The following VTI1A variants were observed in gnomAD, a reference collection of about 807,000 sequenced individuals.
VTI1A encodes the protein vesicle transport through interaction with t-SNAREs homolog 1A.
Under a neutral mutation model 34.9 loss-of-function variants are expected in VTI1A, and 22 were observed. The ratio of observed to expected loss-of-function variants is 0.63; its 90% CI spans 0.45 to 0.90. The LOEUF is 0.90. Among genes scored for constraint, VTI1A ranks in the 40% least tolerant of loss-of-function variants. The pLI, the probability that VTI1A is intolerant of heterozygous loss-of-function variation, is 0.00. For synonymous variants in VTI1A, 87 were observed against 97.3 expected (o/e 0.89, Z 0.62); for missense variants, 268 against 275.6 (o/e 0.97, Z 0.20).
chr10:112,497,882 G>T (rs1315142640), intron 3 of VTI1A, among the ~76,000 whole-genome samples: 1 of 152,144 alleles, frequency 6.6e-6, no homozygotes, highest in Non-Finnish European at 1.5e-5. Flanking sequence ...ACATAAACTA[G>T]TGCCAGTTTT....
rs748276058 is a variant in VTI1A, at chr10:112,618,524, T to TATAGAGAGAGAGAGAGAGAGAGAG, written c.428-49693_428-49692insTAGAGAGAGAGAGAGAGAGAGAGA. Among the ~76,000 whole-genome samples, 29 of 34,578 alleles carry TATAGAGAGAGAGAGAGAGAGAGAG rather than the reference T, an allele frequency of 8.4e-4. 1 individual carries two copies. The highest frequency in any genetic ancestry group is 2.1e-3 in the African/African-American group (13 of 6,146). 22.7% of individuals were successfully genotyped at this position (34,578 alleles called of 152,430 possible). A position where few individuals can be genotyped will look rare whatever the true frequency, so the allele number is the denominator to read the frequency against. ...ATATATATATATATATATATATATATAGAGAGAGAGAGAGAGAGAGAGAGT... is the reference window on the plus strand; with the variant it reads ...ATATATATATATATATATATATATATATAGAGAGAGAGAGAGAGAGAGAGAGAGAGAGAGAGAGAGAGAGAGAGT... On this transcript the variant is annotated intron_variant, in intron 5 of 7. Coordinates refer to ENST00000393077, the MANE Select transcript of VTI1A (RefSeq NM_145206.4).
chr10:112,630,103 G>T (rs1439610477), intron 5 of VTI1A, among the ~76,000 whole-genome samples: 1 of 152,120 alleles, frequency 6.6e-6, no homozygotes, highest in African/African-American at 2.4e-5. Context: ...AAAAGATGAA[G>T]GTTCCAGAGA....
At chr10:112,744,075 G>A (rs1230962830) in intron 7 of VTI1A, among the ~76,000 whole-genome samples, 1 of 152,132 alleles carries the variant, frequency 6.6e-6, no homozygotes, top group East Asian at 1.9e-4. Flanking sequence ...CCAGATATTT[G>A]AACCATAAGA....
At chr10:112,754,875 A>T (rs1238794060) in intron 7 of VTI1A, among the ~76,000 whole-genome samples, 1 of 152,244 alleles carries the variant, frequency 6.6e-6, no homozygotes, top group Non-Finnish European at 1.5e-5. Context: ...ATATTCCTCA[A>T]TGATGACATT....
chr10:112,740,097 A>T (rs1290334406), intron 7 of VTI1A, among the ~76,000 whole-genome samples: 1 of 152,230 alleles, frequency 6.6e-6, no homozygotes, highest in East Asian at 1.9e-4. Flanking sequence ...GAAATTCAGA[A>T]CATTGTAGAT....
the VTI1A span, among the ~76,000 whole-genome samples, chr10:112,844,959 T>C: frequency 2.3e-4 from 35 of 152,208 alleles, no homozygotes; most frequent in Non-Finnish European, 1.0e-4. Context: ...AGTTCCATCT[T>C]GGGGAATAGG....
chr10:112,635,800 T>G (rs1330676953), intron 5 of VTI1A, among the ~76,000 whole-genome samples: 1 of 152,212 alleles, frequency 6.6e-6, no homozygotes, highest in Non-Finnish European at 1.5e-5. Context: ...GAGACCCACT[T>G]GATTCGCCCA....
Position 112,728,080 on chromosome 10 carries a change from C to T in VTI1A, c.560+59082C>T, listed in dbSNP as rs752476798. ...GGGGACAGTCTGAACCCGAAGTCACCGGCTGTCTCACTAACCAGAGAAAGG... is the reference window on the plus strand; with the variant it reads ...GGGGACAGTCTGAACCCGAAGTCACTGGCTGTCTCACTAACCAGAGAAAGG... On this transcript the variant is annotated intron_variant, in intron 7 of 7. Coordinates refer to ENST00000393077, the MANE Select transcript of VTI1A (RefSeq NM_145206.4). Among the ~76,000 whole-genome samples the T allele has an allele frequency of 3.9e-5, 6 of 152,256 alleles. No individual in the cohort carries two copies. The South Asian group carries it at 8.3e-4, about 21-fold the overall frequency.
chr10:112,677,294 A>T (rs940326990), intron 7 of VTI1A, among the ~76,000 whole-genome samples: 3 of 152,126 alleles, frequency 2.0e-5, no homozygotes, highest in Admixed American at 2.0e-4. Flanking sequence ...TCTCAGGTGA[A>T]TTACCTCATT....
chr10:112,687,219 C>CTTTTT lies in VTI1A; in HGVS notation c.560+18249_560+18253dup, dbSNP rs71303594. On this transcript the variant is annotated intron_variant, in intron 7 of 7. Transcript: ENST00000393077. ...CAAAACAGGCCTAGGCATACTACAA[C>CTTTTT]TTTTTTTTTTTTTTTTTTTTTTTTT... is the stretch of plus-strand genomic sequence containing the variant. 7.1e-4 allele frequency among the ~76,000 whole-genome samples: 60 copies of CTTTTT among 84,608 alleles called. 3 individuals are homozygous for CTTTTT. The highest frequency in any genetic ancestry group is 8.7e-4 in the Non-Finnish European group (40 of 45,796). The allele number at this position is 84,608 out of a possible 152,430, so 55.5% of individuals were successfully genotyped here. A position where few individuals can be genotyped will look rare whatever the true frequency, so the allele number is the denominator to read the frequency against.
chr10:112,835,003 A>G, the VTI1A span, among the ~76,000 whole-genome samples: 1 of 152,322 alleles, frequency 6.6e-6, no homozygotes, highest in East Asian at 1.9e-4. Context: ...ATCCAACTGA[A>G]AATGGACTTT....
chr10:112,527,823 T>G (rs1850289674), intron 4 of VTI1A, among the ~76,000 whole-genome samples: 1 of 152,122 alleles, frequency 6.6e-6, no homozygotes, highest in South Asian at 2.1e-4. Context: ...ACAACTTGGC[T>G]GTCGGTTCTC....
intron 2 of VTI1A, among the ~76,000 whole-genome samples, chr10:112,461,709 G>A (rs906463274): frequency 3.9e-5 from 6 of 152,032 alleles, no homozygotes; most frequent in African/African-American, 1.4e-4. Flanking sequence ...CTATGAGTGT[G>A]TTGCTTTTCT....
chr10:112,504,458 G>T (rs1292563446), intron 3 of VTI1A, among the ~76,000 whole-genome samples: 4 of 152,010 alleles, frequency 2.6e-5, no homozygotes, highest in Admixed American at 6.6e-5. Context: ...TACAGTCGAT[G>T]TTGGAGAACT....
At chr10:112,596,934 G>A (rs919871156) in intron 5 of VTI1A, among the ~76,000 whole-genome samples, 2 of 152,128 alleles carry the variant, frequency 1.3e-5, no homozygotes, top group African/African-American at 4.8e-5. Context: ...GTATTGACAT[G>A]TGAATTTGAT....
intron 7 of VTI1A, among the ~76,000 whole-genome samples, chr10:112,725,270 T>C (rs563489645): frequency 1.3e-5 from 2 of 152,354 alleles, no homozygotes; most frequent in East Asian, 1.9e-4. Context: ...ATTTTTGTCC[T>C]GTAGATTATC....
chr10:112,461,349 A>T (rs1228189346), intron 2 of VTI1A, among the ~76,000 whole-genome samples: 4 of 152,242 alleles, frequency 2.6e-5, no homozygotes, highest in Non-Finnish European at 5.9e-5. Flanking sequence ...GCTCAGACAG[A>T]GTCCTCAGGA....
At chr10:112,587,914 G>C (rs992720445) in intron 5 of VTI1A, among the ~76,000 whole-genome samples, 2 of 143,996 alleles carry the variant, frequency 1.4e-5, no homozygotes, top group Non-Finnish European at 3.1e-5. Context: ...AAGAGAAGTG[G>C]TTTTTTTTTT....
chr10:112,482,826 A>C (rs781096592), intron 3 of VTI1A, among the ~76,000 whole-genome samples: 1 of 152,214 alleles, frequency 6.6e-6, no homozygotes, highest in Non-Finnish European at 1.5e-5. Flanking sequence ...GACACATAGA[A>C]AGTGAAAATT....
Sources: gnomAD v4.1 joint callset for allele counts (sites outside exome capture counted in the v4.1 genomes callset) on GRCh38, gnomAD v4.1.1 for gene constraint, MANE v1.5 for transcripts, NCBI Gene and HGNC (gene_info 2026-07-23, HGNC 2026-07-21) for gene names.